Variants in SYBU observed in about 807,000 individuals in gnomAD.
SYBU encodes the protein GOLSYN A protein.
SYBU carries 21 observed loss-of-function variants against 35.9 expected under a neutral mutation model. The ratio of observed to expected loss-of-function variants is 0.58; its 90% confidence interval spans 0.41 to 0.84. The LOEUF is 0.84. Ranked by LOEUF, SYBU falls within the 40% of genes least tolerant of loss-of-function variation. The probability of loss-of-function intolerance (pLI) is 0.00; values close to 1 mark genes in which losing one functional copy is unlikely to be tolerated. For synonymous variants in SYBU, 319 were observed against 324.3 expected, an observed-to-expected ratio of 0.98 and a Z score of 0.18; for missense variants, 768 against 848.2, an observed-to-expected ratio of 0.91 and a Z score of 1.17.
intron 3 of SYBU, among the ~76,000 whole-genome samples, chr8:109,604,756 G>A (rs765166494): frequency 7.9e-5 from 12 of 152,172 alleles, no homozygotes; most frequent in Non-Finnish European, 1.5e-4. Flanking sequence ...TTCTAAGCTC[G>A]TGGCTTGGGT....
intron 3 of SYBU, 165 bp downstream of exon 3, chr8:109,618,677 T>C: frequency 1.5e-6 from 1 of 655,554 alleles, no homozygotes. Context: ...AAAAACCATT[T>C]CAGAAAATAG....
At chr8:109,613,014 A>G (rs1174990790) in intron 3 of SYBU, among the ~76,000 whole-genome samples, 1 of 151,364 alleles carries the variant, frequency 6.6e-6, no homozygotes, top group African/African-American at 2.4e-5. Flanking sequence ...AAGAAAAGAA[A>G]AAAAAAAGAA....
chr8:109,614,408 C>T (rs1237922421), intron 3 of SYBU, among the ~76,000 whole-genome samples: 1 of 152,210 alleles, frequency 6.6e-6, no homozygotes, highest in East Asian at 1.9e-4. Context: ...GGGAGGAGCA[C>T]CTGGGAGCAG....
intron 3 of SYBU, among the ~76,000 whole-genome samples, chr8:109,599,607 C>T (rs188302621): frequency 6.6e-6 from 1 of 152,348 alleles, no homozygotes; most frequent in Non-Finnish European, 1.5e-5. Flanking sequence ...TCTTTCCCAT[C>T]CTGAATTCTC....
At chr8:109,586,220 G>A (rs1823605724) in intron 3 of SYBU, 58 bp from the exon 4 acceptor site, 1 of 1,307,720 alleles carries the variant, frequency 7.6e-7, no homozygotes, top group Non-Finnish European at 1.1e-6. Flanking sequence ...GAACACATTG[G>A]CCAGTTCCCT....
At chr8:109,585,851 GA>G (rs1169022856) in intron 4 of SYBU, 2 of 562,726 alleles carry the variant, frequency 3.6e-6, no homozygotes, top group Non-Finnish European at 6.3e-6. Flanking sequence ...GACAGCCATG[GA>G]TGTACAAACA....
chr8:109,598,999 G>A (rs769769617), intron 3 of SYBU, among the ~76,000 whole-genome samples: 5 of 152,186 alleles, frequency 3.3e-5, no homozygotes, highest in Non-Finnish European at 7.4e-5. Context: ...CACCAGGAAA[G>A]TATACCTGCG....
At chr8:109,663,704 A>G (rs1378657714) in intron 1 of SYBU, among the ~76,000 whole-genome samples, 3 of 150,798 alleles carry the variant, frequency 2.0e-5, no homozygotes, top group African/African-American at 4.9e-5. Context: ...TCATTTTCTA[A>G]TTTTCTAATA....
At chr8:109,644,883 G>A (rs1205181431), upstream of SYBU, 4 of 565,668 alleles carry the variant, frequency 7.1e-6, no homozygotes, top group Non-Finnish European at 9.4e-6. Context: ...ACTCGCTAGA[G>A]GCAGCTCCTG....
At chr8:109,682,931 G>A, upstream of SYBU, among the ~76,000 whole-genome samples, 1 of 152,228 alleles carries the variant, frequency 6.6e-6, no homozygotes, top group East Asian at 1.9e-4. Flanking sequence ...GAAGGTGCAA[G>A]CCCCAAGCCT....
intron 1 of SYBU, among the ~76,000 whole-genome samples, chr8:109,650,498 G>A (rs1816082871): frequency 6.6e-6 from 1 of 152,192 alleles, no homozygotes; most frequent in Non-Finnish European, 1.5e-5. Flanking sequence ...CTACAGCAGG[G>A]AATGGTTGGG....
intron 1 of SYBU, among the ~76,000 whole-genome samples, chr8:109,658,752 G>C (rs1353750971): frequency 6.6e-6 from 1 of 152,168 alleles, no homozygotes; most frequent in Non-Finnish European, 1.5e-5. Context: ...TCAGGAGTTT[G>C]AGACTAGCTT....
intron 6 of SYBU, 29 bp from the exon 7 acceptor site, chr8:109,576,042 TAAAAAAAAAAAAAAAAA>T: frequency 2.4e-6 from 2 of 846,626 alleles, no homozygotes; most frequent in South Asian, 2.6e-5. Flanking sequence ...CATGGTTAAT[TAAAAAAAAAAAAAAAAA>T]AAAAAAAAAA....
intron 2 of SYBU, among the ~76,000 whole-genome samples, chr8:109,637,581 CT>C (rs936076010): frequency 4.6e-5 from 7 of 151,428 alleles, no homozygotes; most frequent in Non-Finnish European, 1.0e-4. Flanking sequence ...TTGATAGGGT[CT>C]TTTTTTTTAA....
At chr8:109,608,503 A>G (rs540752732) in intron 3 of SYBU, among the ~76,000 whole-genome samples, 1 of 152,320 alleles carries the variant, frequency 6.6e-6, no homozygotes, top group South Asian at 2.1e-4. Flanking sequence ...GCCCAGAAGA[A>G]AGGAATAGGG....
rs1027374051 is a variant in SYBU at position 109,691,426 on chromosome 8, G to A, written c.-151C>T. 4 of 681,078 alleles carry A rather than the reference G, an allele frequency of 5.9e-6. No homozygotes were observed. The highest frequency in any genetic ancestry group is 5.5e-5 in the African/African-American group (3 of 54,418). The allele number at this position is 681,078 out of a possible 1,614,324, so 42.2% of individuals were successfully genotyped here. A position where few individuals can be genotyped will look rare whatever the true frequency, so the allele number is the denominator to read the frequency against. On this transcript the variant is annotated 5_prime_UTR_variant, in exon 1 of 8. Transcript: ENST00000422135. This position sits in a 1 kb window ranked among gnomAD's most constrained non-coding sequence, Gnocchi z 4.7. ...GGCCCCGGCTGGGCCGGGTGCCGGT[G>A]CGGACGGGACCCCGCGTCGCTGCTG...
chr8:109,655,141 C>T (rs78426099), intron 1 of SYBU, among the ~76,000 whole-genome samples: 1,622 of 152,280 alleles, frequency 0.011, 25 homozygotes, highest in African/African-American at 0.037. Context: ...CCTTGCATTC[C>T]GCCTTTGACG....
intron 1 of SYBU, among the ~76,000 whole-genome samples, chr8:109,668,510 C>A (rs373259475): frequency 6.6e-6 from 1 of 152,102 alleles, no homozygotes; most frequent in Non-Finnish European, 1.5e-5. Flanking sequence ...TAAACCAACA[C>A]GTAATATGAT....
At chr8:109,579,736 T>G in intron 5 of SYBU, 63 bp downstream of exon 5, 1 of 1,475,138 alleles carries the variant, frequency 6.8e-7, no homozygotes, top group Admixed American at 1.8e-5. Context: ...TTTTTTCTTT[T>G]TTAAAGAAAA....
Sources: allele counts gnomAD v4.1 joint callset (sites outside exome capture counted in the v4.1 genomes callset), GRCh38; gene constraint gnomAD v4.1.1; non-coding constraint Gnocchi (gnomAD v3.1); transcripts MANE v1.5; gene names NCBI Gene and HGNC (gene_info 2026-07-23, HGNC 2026-07-21).